The following MYO5C variants were observed in gnomAD, a reference collection of about 807,000 sequenced individuals.
MYO5C encodes the protein unconventional myosin-Vc.
MYO5C carries 194 observed loss-of-function variants against 235.7 expected under a neutral mutation model. The observed-to-expected ratio is 0.82, with a 90% CI of 0.73 to 0.93. MYO5C has a LOEUF of 0.93. Ranked by LOEUF, MYO5C falls within the 40% of genes least tolerant of loss-of-function variation. The pLI, the probability that MYO5C is intolerant of heterozygous loss-of-function variation, is 0.00. For synonymous variants in MYO5C, 707 were observed against 754.8 expected (o/e 0.94, Z 1.04); for missense variants, 2,038 against 2,127.2 (o/e 0.96, Z 0.82).
intron 17 of MYO5C, among the ~76,000 whole-genome samples, 181 bp from the exon 18 acceptor site, chr15:52,245,646 A>G (rs2036323191): frequency 6.6e-6 from 1 of 151,904 alleles, no homozygotes; most frequent in Non-Finnish European, 1.5e-5. Context: ...CACCCTGAGC[A>G]CTCCTGTCTG....
chr15:52,225,014 T>C (rs2035788801), intron 27 of MYO5C, 33 bp from the exon 28 acceptor site: 1 of 1,613,402 alleles, frequency 6.2e-7, no homozygotes, highest in Non-Finnish European at 8.5e-7. Context: ...AAATCTATCA[T>C]CTCTGTCACG....
intron 23 of MYO5C, among the ~76,000 whole-genome samples, chr15:52,235,366 C>CAG (rs1324917481): frequency 2.0e-5 from 3 of 152,194 alleles, no homozygotes; most frequent in African/African-American, 7.2e-5. Context: ...CACACACACA[C>CAG]CCATTTCCTG....
At chr15:52,199,625 T>C (rs2035138506) in intron 38 of MYO5C, among the ~76,000 whole-genome samples, 1 of 152,144 alleles carries the variant, frequency 6.6e-6, no homozygotes, top group South Asian at 2.1e-4. Flanking sequence ...TGATTCTAGC[T>C]CAAGGAGCTG....
intron 25 of MYO5C, 34 bp downstream of exon 25, chr15:52,229,099 C>T: frequency 1.2e-6 from 2 of 1,609,324 alleles, no homozygotes; most frequent in Non-Finnish European, 8.5e-7. Flanking sequence ...ATGACGTAAC[C>T]AGAGGGCGGG....
chr15:52,227,257 C>T (rs1352385492), intron 25 of MYO5C, among the ~76,000 whole-genome samples: 1 of 135,272 alleles, frequency 7.4e-6, no homozygotes, highest in Non-Finnish European at 1.5e-5. Context: ...TTCAGTGGTG[C>T]AATCTCGGCT....
At chr15:52,232,158 A>G (rs78634265) in intron 24 of MYO5C, among the ~76,000 whole-genome samples, 1,196 of 51,066 alleles carry the variant, frequency 0.023, 66 homozygotes, top group African/African-American at 0.042. Flanking sequence ...GAAAGGAAGG[A>G]AAGGAAGGGA....
At chr15:52,273,907 T>A (rs148548619) in intron 5 of MYO5C, among the ~76,000 whole-genome samples, 177 of 152,266 alleles carry the variant, frequency 1.2e-3, no homozygotes, top group African/African-American at 4.1e-3. Flanking sequence ...ACATCTTTCA[T>A]CCAACCTTTA....
chr15:52,287,937 T>A (rs2037311274), intron 1 of MYO5C, among the ~76,000 whole-genome samples: 1 of 151,944 alleles, frequency 6.6e-6, no homozygotes, highest in Non-Finnish European at 1.5e-5. Flanking sequence ...GATCTTGCCA[T>A]TGCACTGCAG....
chr15:52,235,686 C>T lies in MYO5C; in HGVS notation c.2946G>A (p.Lys982=), dbSNP rs1412150234. The change falls in exon 23 of 41, where the codon AAG becomes AAA. Residue 982 remains lysine, a synonymous_variant. Coordinates refer to ENST00000261839, the MANE Select transcript of MYO5C (RefSeq NM_018728.4). Reference sequence around the variant, plus strand: ...AAGCTTTACCTTTTAACTCTTCAGTCTTCTCTTGAAGCTTCAGCTGTATTT... The same window carrying T: ...AAGCTTTACCTTTTAACTCTTCAGTTTTCTCTTGAAGCTTCAGCTGTATTT... The part of the protein sequence containing the change: ...KEQIQLKLQE[K]TEELKEKMDN... 6.2e-7 allele frequency: 1 copy of T among 1,611,500 alleles called. No individual in the cohort carries two copies. The highest frequency in any genetic ancestry group is 1.3e-5 in the African/African-American group (1 of 74,902).
In MYO5C at chr15:52,201,420, A is replaced by T. The variant is rs373394739; in HGVS notation, c.4820+3445T>A. Among the ~76,000 whole-genome samples the T allele has an allele frequency of 3.3e-5, 5 of 152,334 alleles. No homozygotes were observed. In the East Asian group the frequency reaches 9.6e-4, roughly 29 times the overall value. ...AACAACTGTCAATCCAGAATTCTAC[A>T]TCCTACAAACATACCCTTTAGGAAT... On this transcript the variant is annotated intron_variant, in intron 38 of 40. Transcript: ENST00000261839.
chr15:52,244,334 G>A, intron 19 of MYO5C, 22 bp downstream of exon 19: 1 of 1,606,376 alleles, frequency 6.2e-7, no homozygotes, highest in Middle Eastern at 2.1e-4. Context: ...AGTTCCACAT[G>A]TGTTCCTTGA....
At chr15:52,229,019 C>T in intron 25 of MYO5C, 114 bp downstream of exon 25, 4 of 1,192,408 alleles carry the variant, frequency 3.4e-6, no homozygotes, top group Non-Finnish European at 3.5e-6. Context: ...GAATCAGGCT[C>T]CAGTTGCCTG....
At chr15:52,249,402 C>A (rs1348495915) in intron 13 of MYO5C, among the ~76,000 whole-genome samples, 1 of 152,170 alleles carries the variant, frequency 6.6e-6, no homozygotes, top group African/African-American at 2.4e-5. Context: ...CAACCTCCCC[C>A]TAGTTTATGC....
At chr15:52,272,799 T>C in intron 5 of MYO5C, 76 bp from the exon 6 acceptor site, 1 of 1,471,956 alleles carries the variant, frequency 6.8e-7, no homozygotes. Context: ...GGGTTTTTAG[T>C]AAAAGGCAAT....
chr15:52,278,857 C>G lies in MYO5C; in HGVS notation c.449+16G>C. On this transcript the variant is annotated intron_variant, in intron 4 of 40. Transcript: ENST00000261839. Reference sequence around the variant, plus strand: ...ATTGGCAGAGCAAGGGGAAGTCCAGCTTGGCAGGAAGCTACCTGGCCATCT... The same window carrying G: ...ATTGGCAGAGCAAGGGGAAGTCCAGGTTGGCAGGAAGCTACCTGGCCATCT... 1 of 1,612,900 alleles carries G rather than the reference C, an allele frequency of 6.2e-7. No homozygotes were observed. Among genetic ancestry groups the G allele is most frequent in the Non-Finnish European group, 8.5e-7 (1 of 1,179,494 alleles).
intron 36 of MYO5C, among the ~76,000 whole-genome samples, chr15:52,206,664 AG>A (rs908866966): frequency 2.6e-5 from 4 of 152,192 alleles, no homozygotes; most frequent in African/African-American, 9.6e-5. Context: ...AGCCCTCACC[AG>A]GAAGTGACCA....
intron 1 of MYO5C, among the ~76,000 whole-genome samples, chr15:52,283,212 TC>T (rs757310773): frequency 4.6e-5 from 7 of 152,176 alleles, no homozygotes; most frequent in Non-Finnish European, 7.3e-5. Flanking sequence ...GAGAGGGATT[TC>T]TTTCACCACT....
intron 8 of MYO5C, among the ~76,000 whole-genome samples, chr15:52,266,446 T>C (rs2036813276): frequency 6.6e-6 from 1 of 152,092 alleles, no homozygotes; most frequent in East Asian, 1.9e-4. Context: ...TCAAAATGCC[T>C]CCCCTCGCGC....
Position 52,242,176 on chromosome 15 carries a change from C to A in MYO5C, c.2428G>T (p.Ala810Ser). ...CAGTGCTTCTGAATGATTATGGCTG[C>A]CCAAGCTTCTTTTAAGGCCACTGCA... ...ITAVALKEAW[A>S]AIIIQKHCRG... is the part of the protein sequence containing the mutation. Residue 810 changes from alanine (A) to serine (S), a missense_variant, in exon 20 of 41, where the codon GCA (alanine) becomes TCA (serine). Coordinates refer to ENST00000261839, the MANE Select transcript of MYO5C (RefSeq NM_018728.4). 1 of 1,612,870 alleles carries A rather than the reference C, an allele frequency of 6.2e-7. No individual in the cohort carries two copies. Among genetic ancestry groups the A allele is most frequent in the Non-Finnish European group, 8.5e-7 (1 of 1,179,690 alleles).
Sources: gnomAD v4.1 joint callset for allele counts (sites outside exome capture counted in the v4.1 genomes callset) on GRCh38, gnomAD v4.1.1 for gene constraint, MANE v1.5 for transcripts, NCBI Gene and HGNC (gene_info 2026-07-23, HGNC 2026-07-21) for gene names.